The following CLEC16A variants were observed in gnomAD, a reference collection of about 807,000 sequenced individuals.
CLEC16A encodes the protein C-type lectin domain containing 16A.
A neutral mutation model predicts 109.5 loss-of-function variants in CLEC16A; 51 were observed. That is an observed-to-expected ratio of 0.47 (90% CI 0.37 to 0.59). The LOEUF (loss-of-function observed/expected upper bound fraction) is 0.59, where lower values mean the gene tolerates loss of function less well. Ranked by LOEUF, CLEC16A falls within the 20% of genes least tolerant of loss-of-function variation. CLEC16A has a pLI of 0.00. For missense variants in CLEC16A, 1,339 were observed against 1,394.0 expected, an observed-to-expected ratio of 0.96 and a Z score of 0.63; for synonymous variants, 673 against 564.2, an observed-to-expected ratio of 1.19 and a Z score of -2.73.
At chr16:11,085,502 A>G (rs1282618624) in intron 19 of CLEC16A, among the ~76,000 whole-genome samples, 2 of 152,248 alleles carry the variant, frequency 1.3e-5, no homozygotes, top group Admixed American at 1.3e-4. Context: ...CTTCAGCTGT[A>G]AAATGGAGAT....
At chr16:11,143,524 A>C (rs895131597) in intron 22 of CLEC16A, among the ~76,000 whole-genome samples, 29 of 152,246 alleles carry the variant, frequency 1.9e-4, no homozygotes, top group African/African-American at 7.0e-4. Context: ...CCCCCTAGCA[A>C]CCTCTACCTG....
intron 18 of CLEC16A, among the ~76,000 whole-genome samples, chr16:11,058,417 T>G (rs1002464768): frequency 4.6e-5 from 7 of 152,246 alleles, no homozygotes; most frequent in Non-Finnish European, 8.8e-5. Context: ...TCTAGATTAC[T>G]TATGATACTG....
At chr16:11,160,895 G>T (rs965155118) in intron 22 of CLEC16A, among the ~76,000 whole-genome samples, 4 of 152,148 alleles carry the variant, frequency 2.6e-5, no homozygotes, top group African/African-American at 7.2e-5. Flanking sequence ...AAGCAGAATG[G>T]AGGAGGATAT....
At chr16:11,015,352 C>T (rs909083965) in intron 11 of CLEC16A, among the ~76,000 whole-genome samples, 5 of 152,016 alleles carry the variant, frequency 3.3e-5, no homozygotes, top group South Asian at 2.1e-4. Flanking sequence ...GAAGGGGGAG[C>T]GGTCCTGGCT....
intron 19 of CLEC16A, among the ~76,000 whole-genome samples, chr16:11,115,620 A>G (rs952551930): frequency 1.3e-5 from 2 of 152,204 alleles, no homozygotes; most frequent in Admixed American, 1.3e-4. Flanking sequence ...CGATCCACCC[A>G]TCTCAGTCTT....
intron 3 of CLEC16A, 72 bp from the exon 4 acceptor site, chr16:10,969,089 G>A: frequency 7.8e-7 from 1 of 1,281,620 alleles, no homozygotes. Context: ...CATTAACGTG[G>A]TCATCTGCTT....
At chr16:10,998,688 G>T (rs899893003) in intron 10 of CLEC16A, among the ~76,000 whole-genome samples, 4 of 151,110 alleles carry the variant, frequency 2.6e-5, no homozygotes, top group African/African-American at 7.3e-5. Flanking sequence ...TCATCATTCT[G>T]TCTTGCCCTT....
chr16:10,993,246 A>T (rs2044139175), intron 10 of CLEC16A, among the ~76,000 whole-genome samples: 1 of 152,046 alleles, frequency 6.6e-6, no homozygotes, highest in African/African-American at 2.4e-5. Context: ...GGGCGTGATG[A>T]TGCGTACCTG....
chr16:10,975,940 C>A (rs1339540531), intron 7 of CLEC16A, among the ~76,000 whole-genome samples: 1 of 152,156 alleles, frequency 6.6e-6, no homozygotes, highest in Non-Finnish European at 1.5e-5. Flanking sequence ...ACATGAGCCA[C>A]TGCACCCAGC....
chr16:10,950,868 T>C (rs950179827), intron 1 of CLEC16A, among the ~76,000 whole-genome samples: 2 of 152,220 alleles, frequency 1.3e-5, no homozygotes, highest in African/African-American at 2.4e-5. Flanking sequence ...CTGCTTATCC[T>C]TTCTCATGCC....
intron 11 of CLEC16A, among the ~76,000 whole-genome samples, chr16:11,007,376 C>G (rs2045092267): frequency 6.6e-6 from 1 of 152,156 alleles, no homozygotes; most frequent in Non-Finnish European, 1.5e-5. Context: ...TTTCCAGCTC[C>G]TCTTTCAAAA....
rs538820542 is a variant in CLEC16A, at chr16:10,964,972, T to G, written c.343+2384T>G. On this transcript the variant is annotated intron_variant, in intron 3 of 23. Transcript: ENST00000409790. The stretch of plus-strand genomic sequence containing the variant: ...ACACAGTAGGATGACCTGTAGTCAC[T>G]GTGCTGTACATGAGAGCTCCGGAAC... Among the ~76,000 whole-genome samples the G allele has an allele frequency of 2.0e-5, 3 of 152,304 alleles. No individual in the cohort carries two copies. In the South Asian group the frequency reaches 6.2e-4, roughly 32 times the overall value.
At chr16:11,052,555 ACTGT>A (rs1348596417) in intron 18 of CLEC16A, among the ~76,000 whole-genome samples, 2 of 151,816 alleles carry the variant, frequency 1.3e-5, no homozygotes, top group East Asian at 3.9e-4. Context: ...CACATTTCCA[ACTGT>A]CTGACCAAAC....
intron 13 of CLEC16A, among the ~76,000 whole-genome samples, chr16:11,038,875 A>G (rs2047167393): frequency 6.6e-6 from 1 of 152,132 alleles, no homozygotes; most frequent in Non-Finnish European, 1.5e-5. Flanking sequence ...TCTTTCTGCT[A>G]ATGTCACCCT....
intron 23 of CLEC16A, among the ~76,000 whole-genome samples, chr16:11,176,492 T>G (rs1377562535): frequency 2.6e-5 from 4 of 152,124 alleles, no homozygotes; most frequent in Non-Finnish European, 5.9e-5. Context: ...ATCCCAGCAC[T>G]TTAAGAGGCC....
chr16:11,078,036 C>T (rs1418836578), intron 19 of CLEC16A, among the ~76,000 whole-genome samples: 1 of 149,262 alleles, frequency 6.7e-6, no homozygotes, highest in Non-Finnish European at 1.5e-5. Context: ...GAATACTGAG[C>T]TTGGGACATG....
chr16:11,101,359 C>T (rs1056859031), intron 19 of CLEC16A, among the ~76,000 whole-genome samples: 7 of 152,222 alleles, frequency 4.6e-5, no homozygotes, highest in African/African-American at 1.4e-4. Flanking sequence ...CCCTCTTCCT[C>T]ATATCCCAGC....
chr16:11,145,207 C>T (rs868373053), intron 22 of CLEC16A, among the ~76,000 whole-genome samples: 5 of 152,090 alleles, frequency 3.3e-5, no homozygotes, highest in Non-Finnish European at 4.4e-5. Context: ...AAGCAGAGGG[C>T]GAAGGTCCCA....
At chr16:11,159,040 G>C (rs8063924) in intron 22 of CLEC16A, among the ~76,000 whole-genome samples, 1 of 152,172 alleles carries the variant, frequency 6.6e-6, no homozygotes, top group African/African-American at 2.4e-5. Context: ...AAAGGAGTAT[G>C]AATGAAGCTG....
Sources: gnomAD v4.1 joint callset for allele counts (sites outside exome capture counted in the v4.1 genomes callset) on GRCh38, gnomAD v4.1.1 for gene constraint, MANE v1.5 for transcripts, NCBI Gene and HGNC (gene_info 2026-07-23, HGNC 2026-07-21) for gene names.